LYPD4: variants seen among roughly 807,000 people sequenced by gnomAD.
LYPD4 encodes the protein ly6/PLAUR domain-containing protein 4.
A neutral mutation model predicts 18.2 loss-of-function variants in LYPD4; 20 were observed. That is an observed-to-expected ratio of 1.10 (90% confidence interval 0.77 to 1.59). The LOEUF (loss-of-function observed/expected upper bound fraction) is 1.59, where lower values mean the gene tolerates loss of function less well. Ranked by LOEUF, LYPD4 falls within the 40% of genes most tolerant of loss-of-function variation. LYPD4 has a pLI of 0.00. For synonymous variants in LYPD4, 111 were observed against 118.3 expected, an observed-to-expected ratio of 0.94 and a Z score of 0.40; for missense variants, 278 against 300.3, an observed-to-expected ratio of 0.93 and a Z score of 0.55.
downstream of LYPD4, among the ~76,000 whole-genome samples, chr19:41,836,323 A>AAAAAAAAAAAAAAAAAAAAAG (rs2073373403): frequency 7.4e-6 from 1 of 135,774 alleles, no homozygotes; most frequent in Non-Finnish European, 1.6e-5. Context: ...AAAAAAAAAA[A>AAAAAAAAAAAAAAAAAAAAAG]AAAACAACTA....
rs869092949 is a variant in LYPD4, at chr19:41,843,906, C to CAAAAAAA, written c.-456_-450dup. On this transcript the variant is annotated 5_prime_UTR_variant, in exon 1 of 5. Coordinates refer to ENST00000609812, the MANE Select transcript of LYPD4 (RefSeq NM_173506.7). Reference sequence around the variant, plus strand: ...AAAAGATTGAAGTGAAATCCTCAAGCAAAAAAAAAAAAAAAAAAAAAAAAA... The same window carrying CAAAAAAA: ...AAAAGATTGAAGTGAAATCCTCAAGCAAAAAAAAAAAAAAAAAAAAAAAAAAAAAAAA... 1.6e-4 allele frequency: 6 copies of CAAAAAAA among 37,578 alleles called. No individual in the cohort carries two copies. The highest frequency in any genetic ancestry group is 5.3e-4 in the African/African-American group (3 of 5,656). The allele number at this position is 37,578 out of a possible 1,614,324, so 2.3% of individuals were successfully genotyped here.
chr19:41,839,116 T>C, intron 2 of LYPD4, 92 bp from the exon 3 acceptor site: 2 of 1,611,944 alleles, frequency 1.2e-6, no homozygotes, highest in Middle Eastern at 1.7e-4. Context: ...CCACAGGTCC[T>C]GTCCCCAGCG....
intron 4 of LYPD4, 26 bp from the exon 5 acceptor site, chr19:41,837,371 G>A (rs868987019): frequency 6.2e-7 from 1 of 1,613,206 alleles, no homozygotes; most frequent in Middle Eastern, 1.7e-4. Context: ...GGAGAAGTCA[G>A]GAACACTTTC....
intron 3 of LYPD4, 60 bp from the exon 4 acceptor site, chr19:41,838,321 C>T (rs1322372883): frequency 2.9e-6 from 4 of 1,398,672 alleles, no homozygotes; most frequent in Admixed American, 2.8e-5. Context: ...CCAGAGTCCT[C>T]CCTCCCCCCA....
At position 41,838,921 on chromosome 19, in the gene LYPD4, C is replaced by T. The variant is rs2073475147; in HGVS notation, c.171G>A (p.Leu57=). The change falls in exon 3 of 5, where the codon CTG becomes CTA. Residue 57 remains leucine, a synonymous_variant. Coordinates refer to ENST00000609812, the MANE Select transcript of LYPD4 (RefSeq NM_173506.7). ...WLLMRNMVCK[L]QEGCEETLVF... ...CTAGCGTCTCCTCGCAGCCCTCTTG[C>T]AGCTTACACACCATGTTCCTCATCA... 1.2e-6 allele frequency: 2 copies of T among 1,613,862 alleles called. No homozygotes were observed. The highest frequency in any genetic ancestry group is 1.1e-5 in the South Asian group (1 of 91,074).
At chr19:41,839,130 C>T in intron 2 of LYPD4, 89 bp downstream of exon 2, 1 of 1,612,750 alleles carries the variant, frequency 6.2e-7, no homozygotes. Context: ...CCCAGCGAAA[C>T]CTAGATACCC....
chr19:41,837,352 G>A lies in LYPD4; in HGVS notation c.539-7C>T. ...AAGGTGGTATTGAGAAACCCTGTAAGGAAGAGAGGGAGAAGTCAGGAACAC... is the reference window on the plus strand; with the variant it reads ...AAGGTGGTATTGAGAAACCCTGTAAAGAAGAGAGGGAGAAGTCAGGAACAC... On this transcript the variant is annotated splice_region_variant and splice_polypyrimidine_tract_variant and intron_variant, in intron 4 of 4. Transcript: ENST00000609812. 1 of 1,613,820 alleles carries A rather than the reference G, an allele frequency of 6.2e-7. No homozygotes were observed. The highest frequency in any genetic ancestry group is 8.5e-7 in the Non-Finnish European group (1 of 1,179,824).
rs546281063 is a variant in LYPD4, at chr19:41,841,639, C to A, written c.-121+1939G>T. Among the ~76,000 whole-genome samples the A allele has an allele frequency of 1.8e-4, 27 of 146,274 alleles. No homozygotes were observed. In the South Asian group the frequency reaches 5.6e-3, roughly 31 times the overall value. On this transcript the variant is annotated intron_variant, in intron 1 of 4. Coordinates refer to ENST00000609812, the MANE Select transcript of LYPD4 (RefSeq NM_173506.7). The stretch of plus-strand genomic sequence containing the variant: ...CGAGATCATGCCACTGCACTCCAGC[C>A]TGGGCAATAGAACAAGACCCTGTCT...
rs543031992 is a variant in LYPD4, at chr19:41,839,990, A to C, written c.-120-585T>G. Among the ~76,000 whole-genome samples, 4 of 152,128 alleles carry C rather than the reference A, an allele frequency of 2.6e-5. No individual in the cohort carries two copies. In the East Asian group the frequency reaches 7.7e-4, roughly 29 times the overall value. ...CTTGAACCCAGGAGGCGGAGGTTGC[A>C]GTGAACCGAGATCGCGCCACTGCAC... On this transcript the variant is annotated intron_variant, in intron 1 of 4. Coordinates refer to ENST00000609812, the MANE Select transcript of LYPD4 (RefSeq NM_173506.7).
chr19:41,836,528 G>A (rs898630114), downstream of LYPD4, among the ~76,000 whole-genome samples: 1 of 151,920 alleles, frequency 6.6e-6, no homozygotes, highest in Non-Finnish European at 1.5e-5. Context: ...TATCCTGTAT[G>A]TAAAACACTA....
chr19:41,842,056 C>T (rs926940727), intron 1 of LYPD4, among the ~76,000 whole-genome samples: 1 of 152,058 alleles, frequency 6.6e-6, no homozygotes, highest in Non-Finnish European at 1.5e-5. Flanking sequence ...AATAATGCAG[C>T]ATTTTTTTTT....
chr19:41,841,216 G>T (rs2073577024), intron 1 of LYPD4, among the ~76,000 whole-genome samples: 1 of 152,138 alleles, frequency 6.6e-6, no homozygotes, highest in Non-Finnish European at 1.5e-5. Flanking sequence ...AGGATCCCTT[G>T]AGGTCAGGAG....
At position 41,844,172 on chromosome 19, in the gene LYPD4, T is replaced by C. The variant is rs1409552148; in HGVS notation, c.-715A>G. 1 of 152,266 alleles carries C rather than the reference T, an allele frequency of 6.6e-6. No individual in the cohort carries two copies. Among genetic ancestry groups the C allele is most frequent in the African/African-American group, 2.4e-5 (1 of 41,406 alleles). The allele number at this position is 152,266 out of a possible 1,614,324, so 9.4% of individuals were successfully genotyped here. ...GGCCAAGGCAGAGAAGATGGCGGGATGGTGTGAGACGGAGTTCACAGAAAT... is the reference window on the plus strand; with the variant it reads ...GGCCAAGGCAGAGAAGATGGCGGGACGGTGTGAGACGGAGTTCACAGAAAT... On this transcript the variant is annotated 5_prime_UTR_variant, in exon 1 of 5. Coordinates refer to ENST00000609812, the MANE Select transcript of LYPD4 (RefSeq NM_173506.7).
chr19:41,842,764 CAAAAAAAAAAAAAAAAA>C (rs782233081), intron 1 of LYPD4, among the ~76,000 whole-genome samples: 55 of 49,796 alleles, frequency 1.1e-3, no homozygotes, highest in Admixed American at 1.9e-3. Context: ...TCCGTCTAAA[CAAAAAAAAAAAAAAAAA>C]AAAAAAAAAA....
chr19:41,841,444 A>T (rs2073586456), intron 1 of LYPD4, among the ~76,000 whole-genome samples: 1 of 151,930 alleles, frequency 6.6e-6, no homozygotes, highest in South Asian at 2.1e-4. Flanking sequence ...TTTAGCCTCA[A>T]ATCACAAGGT....
At chr19:41,842,419 G>C (rs967655071) in intron 1 of LYPD4, among the ~76,000 whole-genome samples, 12 of 152,094 alleles carry the variant, frequency 7.9e-5, no homozygotes, top group African/African-American at 2.7e-4. Flanking sequence ...GGGGATGTAC[G>C]CTATGGAATA....
rs1022363987 is a variant in LYPD4, at chr19:41,838,329, C to T, written c.212-68G>A. 4.4e-6 allele frequency: 6 copies of T among 1,353,828 alleles called. No homozygotes were observed. In the South Asian group the frequency reaches 5.0e-5, roughly 11 times the overall value. The allele number at this position is 1,353,828 out of a possible 1,614,324, so 83.9% of individuals were successfully genotyped here. Reference sequence around the variant, plus strand: ...GCCTCACCCAGAGTCCTCCCTCCCCCCAGCTCTTTCTGCACCCACCCTGCC... The same window carrying T: ...GCCTCACCCAGAGTCCTCCCTCCCCTCAGCTCTTTCTGCACCCACCCTGCC... On this transcript the variant is annotated intron_variant, in intron 3 of 4. Transcript: ENST00000609812.
chr19:41,838,224 G>C lies in LYPD4; in HGVS notation c.249C>G (p.Ser83Arg), dbSNP rs781868974. The C allele has an allele frequency of 1.6e-5, 24 of 1,545,216 alleles. 1 individual carries two copies. The South Asian group carries it at 3.0e-4, about 19-fold the overall frequency. The change falls in exon 4 of 5, where the codon AGC (serine) becomes AGG (arginine). Residue 83 changes from serine to arginine, a missense_variant. Coordinates refer to ENST00000609812, the MANE Select transcript of LYPD4 (RefSeq NM_173506.7). ...TTTGCGCAGGGTAAGACGAAGACGA[G>C]CTGCAGCCTTTAAAGCCCACGACTC... is the stretch of plus-strand genomic sequence containing the variant. ...ARGVVGFKGC[S>R]SSSSYPAQIS...
chr19:41,838,832 G>A (rs1555832029), intron 3 of LYPD4, 49 bp downstream of exon 3: 1 of 1,600,152 alleles, frequency 6.2e-7, no homozygotes, highest in Non-Finnish European at 8.5e-7. Context: ...TGGAGCTGGG[G>A]GTCAGAAGAG....
Sources: gnomAD v4.1 joint callset for allele counts (sites outside exome capture counted in the v4.1 genomes callset) on GRCh38, gnomAD v4.1.1 for gene constraint, MANE v1.5 for transcripts, NCBI Gene and HGNC (gene_info 2026-07-23, HGNC 2026-07-21) for gene names.